The following TRNAU1AP variants were observed in gnomAD, a reference collection of about 807,000 sequenced individuals.
The protein encoded by TRNAU1AP is tRNA selenocysteine 1-associated protein 1.
TRNAU1AP carries 33 observed loss-of-function variants against 43.3 expected under a neutral mutation model. The ratio of observed to expected loss-of-function variants is 0.76; its 90% CI spans 0.58 to 1.02. The LOEUF is 1.02. TRNAU1AP is among the 50% of genes least tolerant of loss of function. TRNAU1AP has a pLI of 0.00. For synonymous variants in TRNAU1AP, 143 were observed against 129.1 expected (o/e 1.11, Z -0.73); for missense variants, 290 against 362.7 (o/e 0.80, Z 1.63).
At chr1:28,561,934 T>A (rs191694865) in intron 4 of TRNAU1AP, among the ~76,000 whole-genome samples, 3 of 152,028 alleles carry the variant, frequency 2.0e-5, no homozygotes, top group South Asian at 2.1e-4. Context: ...TAGCCGGGCG[T>A]GGTGGCAGGC....
chr1:28,577,393 A>G (rs1665814827), intron 8 of TRNAU1AP, 107 bp from the exon 9 acceptor site: 4 of 1,244,908 alleles, frequency 3.2e-6, no homozygotes, highest in Non-Finnish European at 1.1e-6. Context: ...AGAAACTGGC[A>G]GGATAGGGAC....
rs910013396 is a variant in TRNAU1AP, at chr1:28,578,309, G to A, written c.*673G>A. On this transcript the variant is annotated 3_prime_UTR_variant, in exon 9 of 9. Coordinates refer to ENST00000373830, the MANE Select transcript of TRNAU1AP (RefSeq NM_017846.5). Reference sequence around the variant, plus strand: ...AGCTCAAAGCCAAAGCAGACCCTCCGTGTGAACTTTATACTGCTCACTTCC... The same window carrying A: ...AGCTCAAAGCCAAAGCAGACCCTCCATGTGAACTTTATACTGCTCACTTCC... 3.0e-5 allele frequency: 5 copies of A among 164,894 alleles called. No individual in the cohort carries two copies. The highest frequency in any genetic ancestry group is 1.6e-4 in the South Asian group (1 of 6,380). 10.2% of individuals were successfully genotyped at this position (164,894 alleles called of 1,614,324 possible). A position where few individuals can be genotyped will look rare whatever the true frequency, so the allele number is the denominator to read the frequency against.
At chr1:28,571,786 A>AAAATAAAAT in intron 7 of TRNAU1AP, 81 bp from the exon 8 acceptor site, 1 of 1,008,556 alleles carries the variant, frequency 9.9e-7, no homozygotes, top group African/African-American at 1.9e-5. Flanking sequence ...CCACCTCAAA[A>AAAATAAAAT]AAAATAAAAA....
At chr1:28,554,761 G>A (rs754039164) in intron 2 of TRNAU1AP, among the ~76,000 whole-genome samples, 9 of 150,044 alleles carry the variant, frequency 6.0e-5, no homozygotes, top group Admixed American at 2.0e-4. Context: ...GGAGAATGGC[G>A]TGAACCCAGG....
At chr1:28,573,472 C>T (rs1029287405) in intron 8 of TRNAU1AP, among the ~76,000 whole-genome samples, 4 of 151,480 alleles carry the variant, frequency 2.6e-5, no homozygotes, top group Non-Finnish European at 5.9e-5. Context: ...AACCCCGTCT[C>T]TACTAAAAAT....
At chr1:28,553,982 G>T (rs1243428549) in intron 2 of TRNAU1AP, 6 of 352,676 alleles carry the variant, frequency 1.7e-5, no homozygotes, top group Non-Finnish European at 3.3e-5. Flanking sequence ...TGGATCACCT[G>T]AGGTCAGGAG....
intron 8 of TRNAU1AP, among the ~76,000 whole-genome samples, chr1:28,576,558 C>A (rs1049611276): frequency 5.3e-5 from 8 of 152,038 alleles, no homozygotes; most frequent in Admixed American, 2.0e-4. Context: ...ACCTTGTGAT[C>A]TGCCTGCCTT....
At position 28,560,744 on chromosome 1, in the gene TRNAU1AP, T is replaced by C. The variant is rs1331618126; in HGVS notation, c.225+12T>C. The C allele has an allele frequency of 1.3e-6, 2 of 1,586,944 alleles. No individual in the cohort carries two copies. Among genetic ancestry groups the C allele is most frequent in the Non-Finnish European group, 1.7e-6 (2 of 1,156,186 alleles). On this transcript the variant is annotated intron_variant, in intron 3 of 8. Transcript: ENST00000373830. ...CAGGAGCCACACCTGTAAGGACATT[T>C]AGATAATGATGATGTTGCCATTATT...
chr1:28,574,299 G>C (rs1000106582), intron 8 of TRNAU1AP, among the ~76,000 whole-genome samples: 2 of 151,988 alleles, frequency 1.3e-5, no homozygotes, highest in Non-Finnish European at 2.9e-5. Flanking sequence ...TGTTGGCCAG[G>C]CTGGTTTCGA....
chr1:28,561,871 G>A (rs977933441), intron 4 of TRNAU1AP, among the ~76,000 whole-genome samples: 2 of 152,152 alleles, frequency 1.3e-5, no homozygotes, highest in Admixed American at 1.3e-4. Flanking sequence ...AGGAGATCGA[G>A]ACCATCCTGG....
Position 28,577,471 on chromosome 1 carries a change from CCCTGACCCCATCCTTGCTTGCTTT to C in TRNAU1AP, c.728-26_728-3del. The C allele has an allele frequency of 6.2e-7, 1 of 1,611,654 alleles. No individual in the cohort carries two copies. The highest frequency in any genetic ancestry group is 8.5e-7 in the Non-Finnish European group (1 of 1,178,852). ...GTCCCTTGCAGCTGTCCCTAGACTT[CCCTGACCCCATCCTTGCTTGCTTT>C]CCAGACCCCATGCCACAGCTGGATG... On this transcript the variant is annotated splice_polypyrimidine_tract_variant and splice_region_variant and intron_variant, in intron 8 of 8. Coordinates refer to ENST00000373830, the MANE Select transcript of TRNAU1AP (RefSeq NM_017846.5).
chr1:28,558,732 T>C (rs1399977597), intron 2 of TRNAU1AP, among the ~76,000 whole-genome samples: 1 of 151,788 alleles, frequency 6.6e-6, no homozygotes, highest in African/African-American at 2.4e-5. Flanking sequence ...GCCTGGCTAA[T>C]TTTTTTGCAT....
rs1368362735 is a variant in TRNAU1AP, at chr1:28,553,742, G to A, written c.125+5G>A. On this transcript the variant is annotated splice_donor_5th_base_variant and intron_variant, in intron 2 of 8. Coordinates refer to ENST00000373830, the MANE Select transcript of TRNAU1AP (RefSeq NM_017846.5). ...TATCCGAAACCGCCTCACTGGGTAAGTCTCATCTCAGGTCTCTCTTAATAC... is the reference window on the plus strand; with the variant it reads ...TATCCGAAACCGCCTCACTGGGTAAATCTCATCTCAGGTCTCTCTTAATAC... The A allele has an allele frequency of 6.2e-7, 1 of 1,613,128 alleles. No individual in the cohort carries two copies. The highest frequency in any genetic ancestry group is 1.1e-5 in the South Asian group (1 of 91,054).
intron 2 of TRNAU1AP, among the ~76,000 whole-genome samples, chr1:28,555,616 C>G (rs1665243231): frequency 1.3e-5 from 2 of 150,776 alleles, no homozygotes; most frequent in South Asian, 4.2e-4. Context: ...TCCAAGCAGC[C>G]ACTCTTTTCT....
intron 8 of TRNAU1AP, among the ~76,000 whole-genome samples, chr1:28,575,777 C>T (rs1455638765): frequency 6.7e-6 from 1 of 150,168 alleles, no homozygotes; most frequent in Admixed American, 6.6e-5. Flanking sequence ...AGGCTGGTCT[C>T]AAACTTCTGA....
chr1:28,553,374 A>T, intron 1 of TRNAU1AP: 1 of 626,450 alleles, frequency 1.6e-6, no homozygotes, highest in Non-Finnish European at 2.9e-6. Context: ...TGCTTTGGGG[A>T]CATAGAATGG....
At position 28,567,292 on chromosome 1, in the gene TRNAU1AP, AG is replaced by A; in HGVS notation, c.413del. On this transcript the variant is annotated splice_acceptor_variant, in intron 5 of 8. Transcript: ENST00000373830. LOFTEE classifies it high-confidence loss of function. ...TCTAAATTGTATATTTTTTTCATGCAGGGGTTATGGTTTTGTGAAATTCACA... is the reference window on the plus strand; with the variant it reads ...TCTAAATTGTATATTTTTTTCATGCAGGGTTATGGTTTTGTGAAATTCACA... 1.2e-6 allele frequency: 2 copies of A among 1,609,194 alleles called. No individual in the cohort carries two copies. Among genetic ancestry groups the A allele is most frequent in the Non-Finnish European group, 1.7e-6 (2 of 1,178,828 alleles).
At chr1:28,565,047 A>G in intron 5 of TRNAU1AP, 1 of 571,584 alleles carries the variant, frequency 1.7e-6, no homozygotes, top group South Asian at 2.2e-5. Flanking sequence ...CCCATCTGTA[A>G]AATGGAGCTG....
chr1:28,576,660 T>A (rs1665789823), intron 8 of TRNAU1AP, among the ~76,000 whole-genome samples: 1 of 148,832 alleles, frequency 6.7e-6, no homozygotes, highest in Non-Finnish European at 1.5e-5. Flanking sequence ...AATGCAGTGG[T>A]GCCATCTCGG....
Sources: allele counts gnomAD v4.1 joint callset (sites outside exome capture counted in the v4.1 genomes callset), GRCh38; gene constraint gnomAD v4.1.1; transcripts MANE v1.5; gene names NCBI Gene and HGNC (gene_info 2026-07-23, HGNC 2026-07-21).